The following TTC23L variants were observed in gnomAD, a reference collection of about 807,000 sequenced individuals.
TTC23L encodes tetratricopeptide repeat domain 23 like.
TTC23L carries 42 observed loss-of-function variants against 48.1 expected under a neutral mutation model. The ratio of observed to expected loss-of-function variants is 0.87; its 90% confidence interval spans 0.68 to 1.13. The LOEUF (loss-of-function observed/expected upper bound fraction) is 1.13, where lower values mean the gene tolerates loss of function less well. TTC23L is among the 50% of genes most tolerant of loss of function. The probability of loss-of-function intolerance (pLI) is 0.00; values close to 1 mark genes in which losing one functional copy is unlikely to be tolerated. For synonymous variants in TTC23L, 159 were observed against 157.2 expected, an observed-to-expected ratio of 1.01 and a Z score of -0.09; for missense variants, 391 against 421.0, an observed-to-expected ratio of 0.93 and a Z score of 0.62.
At chr5:34,918,172 T>A in the TTC23L span, 1 of 346,494 alleles carries the variant, frequency 2.9e-6, no homozygotes. Flanking sequence ...TAGCTGGACA[T>A]GGTGGCACAT....
chr5:34,845,444 GA>G (rs774639515), intron 2 of TTC23L, 42 bp from the exon 3 acceptor site: 2 of 1,573,180 alleles, frequency 1.3e-6, no homozygotes, highest in African/African-American at 1.4e-5. Flanking sequence ...GTTTGAGATG[GA>G]GAAGGTTAAA....
In TTC23L at chr5:34,876,054, C is replaced by T. The variant is rs1031806063; in HGVS notation, c.950-4127C>T. On this transcript the variant is annotated intron_variant, in intron 8 of 10. Transcript: ENST00000505624. ...AAATGTGTGGGATAAGAAGAAATCT[C>T]AAGAGAAACTTTAAAATGTTTTGAA... Among the ~76,000 whole-genome samples, 15 of 152,140 alleles carry T rather than the reference C, an allele frequency of 9.9e-5. No homozygotes were observed. The South Asian group carries it at 3.1e-3, about 32-fold the overall frequency.
chr5:34,912,756 T>TAG, the TTC23L span, among the ~76,000 whole-genome samples: 1 of 152,278 alleles, frequency 6.6e-6, no homozygotes, highest in East Asian at 1.9e-4. Context: ...TCCCAGAACT[T>TAG]AGAGAGACTG....
At chr5:34,901,827 C>T (rs924110460), downstream of TTC23L, among the ~76,000 whole-genome samples, 2 of 152,134 alleles carry the variant, frequency 1.3e-5, no homozygotes, top group African/African-American at 4.8e-5. Flanking sequence ...TCAAGGTCAG[C>T]TTGGTAATTA....
At chr5:34,839,677 G>T (rs748219510) in intron 1 of TTC23L, 9 of 985,206 alleles carry the variant, frequency 9.1e-6, no homozygotes, top group Non-Finnish European at 1.1e-5. Context: ...CTCAGGGCTC[G>T]GTGGGAATTA....
chr5:34,920,030 A>G, the TTC23L span: 4 of 475,012 alleles, frequency 8.4e-6, no homozygotes, highest in Non-Finnish European at 7.6e-6. Flanking sequence ...TGGTCTTCCA[A>G]ATTTTTATCT....
chr5:34,918,203 G>A, the TTC23L span: 2 of 460,602 alleles, frequency 4.3e-6, no homozygotes, highest in Non-Finnish European at 7.9e-6. Context: ...TCCAGCTACT[G>A]TAGATGCTGG....
chr5:34,859,829 CTTTTCTTCTTCT>C, intron 4 of TTC23L, among the ~76,000 whole-genome samples: 1 of 136,566 alleles, frequency 7.3e-6, no homozygotes, highest in East Asian at 2.1e-4. Flanking sequence ...CTTTTCTTTT[CTTTTCTTCTTCT>C]TTTTTTTTTT....
At chr5:34,855,900 G>A (rs1354203631) in intron 4 of TTC23L, among the ~76,000 whole-genome samples, 1 of 152,146 alleles carries the variant, frequency 6.6e-6, no homozygotes, top group African/African-American at 2.4e-5. Flanking sequence ...GGGGACAAAG[G>A]GAACAAGATT....
exon 5 of TTC23L, chr5:34,862,938 G>T (rs1580447307): frequency 6.2e-7 from 1 of 1,613,854 alleles, no homozygotes; most frequent in Non-Finnish European, 8.5e-7. Flanking sequence ...CATCAGCCAA[G>T]AATACACTGT....
chr5:34,852,214 G>C (rs1164973021), intron 4 of TTC23L, among the ~76,000 whole-genome samples: 1 of 152,082 alleles, frequency 6.6e-6, no homozygotes, highest in Admixed American at 6.6e-5. Context: ...GAGAAGTAGA[G>C]AGTACAAAGT....
At chr5:34,905,051 T>C in the TTC23L span, among the ~76,000 whole-genome samples, 8 of 152,240 alleles carry the variant, frequency 5.3e-5, no homozygotes, top group African/African-American at 7.2e-5. Context: ...GAGATACAGA[T>C]ACGAAAAGCA....
At chr5:34,923,835 A>G in the TTC23L span, among the ~76,000 whole-genome samples, 1 of 152,210 alleles carries the variant, frequency 6.6e-6, no homozygotes, top group Non-Finnish European at 1.5e-5. Flanking sequence ...GTACTGTCTT[A>G]TATCTTAAGT....
At chr5:34,850,049 A>G in intron 3 of TTC23L, 136 bp from the exon 4 acceptor site, 1 of 1,028,394 alleles carries the variant, frequency 9.7e-7, no homozygotes. Context: ...GACCTGATGG[A>G]TTAGACACAG....
intron 8 of TTC23L, among the ~76,000 whole-genome samples, chr5:34,877,182 T>A (rs1465038664): frequency 6.6e-6 from 1 of 152,008 alleles, no homozygotes; most frequent in Non-Finnish European, 1.5e-5. Flanking sequence ...AATCAATGCA[T>A]CACACCAACA....
At chr5:34,842,487 G>C (rs1405308646) in intron 2 of TTC23L, among the ~76,000 whole-genome samples, 1 of 152,134 alleles carries the variant, frequency 6.6e-6, no homozygotes, top group Admixed American at 6.5e-5. Context: ...AGACAAAAGA[G>C]TATACTTGGA....
At chr5:34,842,599 G>GA (rs1450924326) in intron 2 of TTC23L, among the ~76,000 whole-genome samples, 4 of 152,102 alleles carry the variant, frequency 2.6e-5, no homozygotes, top group Admixed American at 2.6e-4. Context: ...AAGGGGGGTG[G>GA]AAGAAGGGGT....
chr5:34,909,466 C>G, the TTC23L span: 2 of 692,328 alleles, frequency 2.9e-6, no homozygotes, highest in South Asian at 3.9e-5. Flanking sequence ...GTGAAACAGA[C>G]ATGTACACAA....
Position 34,896,671 on chromosome 5 carries a change from G to A in TTC23L, c.1078-99G>A, listed in dbSNP as rs1455676742. On this transcript the variant is annotated intron_variant, in intron 9 of 10. Transcript: ENST00000505624. ...GAAGAAATAATAACATGAAATTTAA[G>A]TTCTGGAATAGCATTCTCAGTGCAA... 4.2e-6 allele frequency: 3 copies of A among 720,726 alleles called. No individual in the cohort carries two copies. The African/African-American group carries it at 5.2e-5, about 13-fold the overall frequency. 44.6% of individuals were successfully genotyped at this position (720,726 alleles called of 1,614,324 possible). A position where few individuals can be genotyped will look rare whatever the true frequency, so the allele number is the denominator to read the frequency against.
Sources: allele counts gnomAD v4.1 joint callset (sites outside exome capture counted in the v4.1 genomes callset), GRCh38; gene constraint gnomAD v4.1.1; transcripts MANE v1.5; gene names NCBI Gene and HGNC (gene_info 2026-07-23, HGNC 2026-07-21).